The following GPR101 variants were observed in gnomAD, a reference collection of about 807,000 sequenced individuals.
The protein encoded by GPR101 is G protein-coupled receptor 101, also known as probable G protein-coupled receptor 101.
In GPR101, 8 loss-of-function variants were observed where a neutral mutation model predicts 16.4. The observed-to-expected ratio is 0.49, with a 90% CI of 0.29 to 0.88. The LOEUF is 0.88. Among genes scored for constraint, GPR101 ranks in the 40% least tolerant of loss-of-function variants. GPR101 has a pLI of 0.09. For missense variants in GPR101, 375 were observed against 411.7 expected (o/e 0.91, Z 0.77); for synonymous variants, 155 against 168.7 (o/e 0.92, Z 0.63).
intron 1 of GPR101, among the ~76,000 whole-genome samples, chrX:137,032,131 G>T (rs2148744756): frequency 9.0e-6 from 1 of 110,878 alleles, no homozygotes; most frequent in Non-Finnish European, 1.9e-5. Context: ...AGTGTCTCTC[G>T]CTAGCGCACT....
rs1927166829 is a variant in GPR101, at chrX:137,026,301, A to G, written c.*3847T>C. Reference sequence around the variant, plus strand: ...TATTGGGCAGGGTGGTTATGAGAGAAAAATACAGTCCAGTAGTTTAAATTG... The same window carrying G: ...TATTGGGCAGGGTGGTTATGAGAGAGAAATACAGTCCAGTAGTTTAAATTG... On this transcript the variant is annotated 3_prime_UTR_variant, in exon 2 of 2. Transcript: ENST00000651716. 8.9e-6 allele frequency among the ~76,000 whole-genome samples: 1 copy of G among 112,367 alleles called. No homozygotes were observed. Among genetic ancestry groups the G allele is most frequent in the Non-Finnish European group, 1.9e-5 (1 of 53,300 alleles).
In GPR101 at chrX:137,025,204, T is replaced by G. The variant is rs779608580; in HGVS notation, c.*4944A>C. 8.9e-6 allele frequency among the ~76,000 whole-genome samples: 1 copy of G among 112,283 alleles called. No individual in the cohort carries two copies. Among genetic ancestry groups the G allele is most frequent in the South Asian group, 3.7e-4 (1 of 2,703 alleles). On this transcript the variant is annotated 3_prime_UTR_variant, in exon 2 of 2. Coordinates refer to ENST00000651716, the MANE Select transcript of GPR101 (RefSeq NM_054021.2). Reference sequence around the variant, plus strand: ...TGTAGTATATACTTCAAAAATAAATTTAAAAAACAAATGTACCATGTTCTA... The same window carrying G: ...TGTAGTATATACTTCAAAAATAAATGTAAAAAACAAATGTACCATGTTCTA...
intron 1 of GPR101, among the ~76,000 whole-genome samples, chrX:137,032,273 C>A (rs942290352): frequency 2.7e-5 from 3 of 111,069 alleles, no homozygotes; most frequent in African/African-American, 9.9e-5. Context: ...CTGTCTCTTT[C>A]CTGTTACTCT....
In GPR101 at chrX:137,027,587, T is replaced by G. The variant is rs757212049; in HGVS notation, c.*2561A>C. Among the ~76,000 whole-genome samples, 78 of 112,528 alleles carry G rather than the reference T, an allele frequency of 6.9e-4. No homozygotes were observed. The highest frequency in any genetic ancestry group is 1.1e-3 in the Non-Finnish European group (60 of 53,314). The stretch of plus-strand genomic sequence containing the variant: ...TGTCATCAAAGCAGAATGCTCTTAA[T>G]TAAAAGGTCCTCTTTTCCAGGCTCA... On this transcript the variant is annotated 3_prime_UTR_variant, in exon 2 of 2. Coordinates refer to ENST00000651716, the MANE Select transcript of GPR101 (RefSeq NM_054021.2).
Position 137,027,351 on chromosome X carries a change from C to CT in GPR101, c.*2796dup, listed in dbSNP as rs760778412. On this transcript the variant is annotated 3_prime_UTR_variant, in exon 2 of 2. Coordinates refer to ENST00000651716, the MANE Select transcript of GPR101 (RefSeq NM_054021.2). ...AGTGGCCTTGGCAAAAGAATACATC[C>CT]TTTAAAAACATTCAGGGAAAGCTAT... 4.5e-3 allele frequency among the ~76,000 whole-genome samples: 469 copies of CT among 105,067 alleles called. 1 individual carries two copies. The highest frequency in any genetic ancestry group is 6.9e-3 in the Non-Finnish European group (355 of 51,691). 91.2% of individuals were successfully genotyped at this position (105,067 alleles called of 115,157 possible).
chrX:137,031,447 G>C lies in GPR101; in HGVS notation c.228C>G (p.Thr76=), dbSNP rs368072618. The change falls in exon 2 of 2, where the codon ACC becomes ACG. Residue 76 remains threonine (T), a synonymous_variant. Coordinates refer to ENST00000651716, the MANE Select transcript of GPR101 (RefSeq NM_054021.2). ...CCACGAGCGAAATCTGCAGCAGGTCGGTGACGAGGAGGTTAAAGATAAAAC... is the reference window on the plus strand; with the variant it reads ...CCACGAGCGAAATCTGCAGCAGGTCCGTGACGAGGAGGTTAAAGATAAAAC... The part of the protein sequence containing the change: ...TNRFIFNLLV[T]DLLQISLVAP... The C allele has an allele frequency of 2.6e-5, 31 of 1,189,719 alleles. No homozygotes were observed. Among genetic ancestry groups the C allele is most frequent in the Non-Finnish European group, 3.5e-5 (31 of 884,153 alleles).
Position 137,031,429 on chromosome X carries a change from C to A in GPR101, c.246G>T (p.Ser82=), listed in dbSNP as rs374708321. The change falls in exon 2 of 2, where the codon TCG becomes TCT. Residue 82 remains serine (S), a synonymous_variant. Coordinates refer to ENST00000651716, the MANE Select transcript of GPR101 (RefSeq NM_054021.2). ...TGGCCACCACCCAGGGGGCCACGAG[C>A]GAAATCTGCAGCAGGTCGGTGACGA... ...NLLVTDLLQI[S]LVAPWVVATS... is the part of the protein sequence containing the mutation. 7.6e-6 allele frequency: 9 copies of A among 1,189,829 alleles called. No homozygotes were observed. Among genetic ancestry groups the A allele is most frequent in the Non-Finnish European group, 9.0e-6 (8 of 884,098 alleles).
chrX:137,033,899 C>T lies in GPR101; in HGVS notation c.-190G>A. Among the ~76,000 whole-genome samples, 1 of 112,089 alleles carries T rather than the reference C, an allele frequency of 8.9e-6. No individual in the cohort carries two copies. The highest frequency in any genetic ancestry group is 1.9e-5 in the Non-Finnish European group (1 of 52,863). On this transcript the variant is annotated 5_prime_UTR_variant, in exon 1 of 2. Coordinates refer to ENST00000651716, the MANE Select transcript of GPR101 (RefSeq NM_054021.2). ...CCGCCTCTCGGGGCTCGGGCGGCTG[C>T]GAGCTGGCACGGGGCAGCGGGCGCT...
Position 137,028,111 on chromosome X carries a change from T to G in GPR101, c.*2037A>C, listed in dbSNP as rs1026761954. 2.7e-5 allele frequency among the ~76,000 whole-genome samples: 3 copies of G among 112,494 alleles called. No individual in the cohort carries two copies. Among genetic ancestry groups the G allele is most frequent in the African/African-American group, 9.7e-5 (3 of 30,965 alleles). On this transcript the variant is annotated 3_prime_UTR_variant, in exon 2 of 2. Transcript: ENST00000651716. ...GGTAGAACAAATTTATGACTGTTAA[T>G]TCACTTTATGCATTTTGGTAGAAAA...
Position 137,030,991 on chromosome X carries a change from A to G in GPR101, c.684T>C (p.Asn228=), listed in dbSNP as rs368827016. Residue 228 remains asparagine (N), a synonymous_variant, in exon 2 of 2, where the codon AAT becomes AAC. Coordinates refer to ENST00000651716, the MANE Select transcript of GPR101 (RefSeq NM_054021.2). The part of the protein sequence containing the change: ...AARRQHALLY[N]VKRHSLEVRV... ...GCACTTCCAAGCTGTGTCTCTTGAC[A>G]TTGTACAGCAGAGCATGCTGCCTCC... 12 of 1,210,408 alleles carry G rather than the reference A, an allele frequency of 9.9e-6. No individual in the cohort carries two copies. In the East Asian group the frequency reaches 2.1e-4, roughly 21 times the overall value.
In GPR101 at chrX:137,024,211, G is replaced by C. The variant is rs1166808431; in HGVS notation, c.*5937C>G. ...TGGGACTGCTGGCCCATGTAATAGT[G>C]TTGATTTATGAATTTGATTGGGGTG... On this transcript the variant is annotated 3_prime_UTR_variant, in exon 2 of 2. Coordinates refer to ENST00000651716, the MANE Select transcript of GPR101 (RefSeq NM_054021.2). Among the ~76,000 whole-genome samples the C allele has an allele frequency of 8.9e-6, 1 of 112,107 alleles. No homozygotes were observed. The highest frequency in any genetic ancestry group is 1.9e-5 in the Non-Finnish European group (1 of 53,275).
In GPR101 at chrX:137,033,873, GC is replaced by G. The variant is rs1159014941; in HGVS notation, c.-165del. Among the ~76,000 whole-genome samples, 1 of 112,188 alleles carries G rather than the reference GC, an allele frequency of 8.9e-6. No homozygotes were observed. Among genetic ancestry groups the G allele is most frequent in the Non-Finnish European group, 1.9e-5 (1 of 52,937 alleles). On this transcript the variant is annotated 5_prime_UTR_variant, in exon 1 of 2. Coordinates refer to ENST00000651716, the MANE Select transcript of GPR101 (RefSeq NM_054021.2). ...TTCGGGGCTCCTCGCGCTCGTCCCG[GC>G]CGCCTCTCGGGGCTCGGGCGGCTGC...
chrX:137,027,142 C>T lies in GPR101; in HGVS notation c.*3006G>A, dbSNP rs1359433560. Among the ~76,000 whole-genome samples the T allele has an allele frequency of 9.3e-6, 1 of 107,019 alleles. No homozygotes were observed. Among genetic ancestry groups the T allele is most frequent in the East Asian group, 2.9e-4 (1 of 3,436 alleles). 92.9% of individuals were successfully genotyped at this position (107,019 alleles called of 115,157 possible). The stretch of plus-strand genomic sequence containing the variant: ...CCCAGGGCTTGCTCCTTATTACTGC[C>T]TTCCCAAGCTTGTGGAAATTGGTGT... On this transcript the variant is annotated 3_prime_UTR_variant, in exon 2 of 2. Transcript: ENST00000651716.
In GPR101 at chrX:137,028,749, T is replaced by C. The variant is rs1187670198; in HGVS notation, c.*1399A>G. Among the ~76,000 whole-genome samples, 2 of 112,613 alleles carry C rather than the reference T, an allele frequency of 1.8e-5. No homozygotes were observed. Among genetic ancestry groups the C allele is most frequent in the Non-Finnish European group, 3.8e-5 (2 of 53,259 alleles). On this transcript the variant is annotated 3_prime_UTR_variant, in exon 2 of 2. Transcript: ENST00000651716. ...CCCAAAGTTATTTTGCGGTTTGGGA[T>C]TTGAGGAATGTTCCTGTGAATTGAC... is the stretch of plus-strand genomic sequence containing the variant.
chrX:137,027,310 T>C lies in GPR101; in HGVS notation c.*2838A>G. On this transcript the variant is annotated 3_prime_UTR_variant, in exon 2 of 2. Coordinates refer to ENST00000651716, the MANE Select transcript of GPR101 (RefSeq NM_054021.2). ...CTTTAATGGGATTTTTTTTTTTTTT[T>C]TTACTGCACATATGAAGTGGCCTTG... Among the ~76,000 whole-genome samples, 1 of 107,805 alleles carries C rather than the reference T, an allele frequency of 9.3e-6. No individual in the cohort carries two copies. The highest frequency in any genetic ancestry group is 2.9e-4 in the East Asian group (1 of 3,500). 93.6% of individuals were successfully genotyped at this position (107,805 alleles called of 115,157 possible).
rs1415425352 is a variant in GPR101 at position 137,026,033 on chromosome X, C to T, written c.*4115G>A. Among the ~76,000 whole-genome samples, 1 of 111,957 alleles carries T rather than the reference C, an allele frequency of 8.9e-6. No homozygotes were observed. The highest frequency in any genetic ancestry group is 1.9e-5 in the Non-Finnish European group (1 of 53,219). ...GAGGGGCCGAGAGCACTAGTCCAGC[C>T]CATGGAAAGTAAGAGGAAGAGATAA... On this transcript the variant is annotated 3_prime_UTR_variant, in exon 2 of 2. Coordinates refer to ENST00000651716, the MANE Select transcript of GPR101 (RefSeq NM_054021.2).
rs755317343 is a variant in GPR101 at position 137,031,171 on chromosome X, G to A, written c.504C>T (p.Tyr168=). The A allele has an allele frequency of 1.1e-5, 13 of 1,211,799 alleles. No homozygotes were observed. The highest frequency in any genetic ancestry group is 7.0e-5 in the South Asian group (4 of 56,899). ...CATCAAAGGCAGCCTGGCCCCAGCC[G>A]TAGAGTGGAGGAGTGCTCTGCAGGA... ...VAILQSTPPL[Y]GWGQAAFDER... is the part of the protein sequence containing the mutation. Residue 168 remains tyrosine, a synonymous_variant, in exon 2 of 2, where the codon TAC becomes TAT. Coordinates refer to ENST00000651716, the MANE Select transcript of GPR101 (RefSeq NM_054021.2).
chrX:137,026,374 G>A lies in GPR101; in HGVS notation c.*3774C>T, dbSNP rs1453993001. On this transcript the variant is annotated 3_prime_UTR_variant, in exon 2 of 2. Coordinates refer to ENST00000651716, the MANE Select transcript of GPR101 (RefSeq NM_054021.2). ...AACCCATGAGAGTTTTATCTTGAGA[G>A]TCCAAATTACCAGATGATGCGTATT... Among the ~76,000 whole-genome samples, 1 of 111,980 alleles carries A rather than the reference G, an allele frequency of 8.9e-6. No individual in the cohort carries two copies. The highest frequency in any genetic ancestry group is 3.2e-5 in the African/African-American group (1 of 30,796).
Position 137,030,675 on chromosome X carries a change from C to A in GPR101, c.1000G>T (p.Ala334Ser). The A allele has an allele frequency of 8.3e-7, 1 of 1,211,496 alleles. No homozygotes were observed. The highest frequency in any genetic ancestry group is 1.1e-6 in the Non-Finnish European group (1 of 895,423). Reference protein sequence around the residue: ...STKVEENSMKADKGRTEVNQC... With the variant: ...STKVEENSMKSDKGRTEVNQC... ...TTGACCTCTGTGCGACCCTTGTCTG[C>A]CTTCATGCTGTTCTCCTCAACTTTG... Residue 334 changes from alanine to serine, a missense_variant, in exon 2 of 2, where the codon GCA (alanine) becomes TCA (serine). Transcript: ENST00000651716.
Sources: gnomAD v4.1 joint callset for allele counts (sites outside exome capture counted in the v4.1 genomes callset) on GRCh38, gnomAD v4.1.1 for gene constraint, MANE v1.5 for transcripts, NCBI Gene and HGNC (gene_info 2026-07-23, HGNC 2026-07-21) for gene names.